CRACD: variants seen among roughly 807,000 people sequenced by gnomAD.
CRACD encodes capping protein inhibiting regulator of actin dynamics, also known as capping protein-inhibiting regulator of actin dynamics.
CRACD carries 56 observed loss-of-function variants against 106.8 expected under a neutral mutation model. The ratio of observed to expected loss-of-function variants is 0.52; its 90% CI spans 0.42 to 0.66. The LOEUF is 0.66. CRACD is among the 30% of genes least tolerant of loss of function. CRACD has a pLI of 0.00. For synonymous variants in CRACD, 754 were observed against 670.8 expected (o/e 1.12, Z -1.92); for missense variants, 1,730 against 1,623.2 (o/e 1.07, Z -1.13).
chr4:56,220,272 T>C (rs572053287), intron 2 of CRACD, among the ~76,000 whole-genome samples: 14 of 152,348 alleles, frequency 9.2e-5, no homozygotes, highest in African/African-American at 3.4e-4. Flanking sequence ...TCCTTTGTTT[T>C]CTGGGAGATT....
intron 10 of CRACD, among the ~76,000 whole-genome samples, chr4:56,326,975 A>G (rs1746489451): frequency 6.6e-6 from 1 of 152,016 alleles, no homozygotes; most frequent in African/African-American, 2.4e-5. Context: ...CCTGACCTCA[A>G]GTGATCCTCC....
At chr4:56,095,892 A>G (rs11936224) in intron 1 of CRACD, among the ~76,000 whole-genome samples, 2 of 152,132 alleles carry the variant, frequency 1.3e-5, no homozygotes, top group African/African-American at 4.8e-5. Context: ...GAGTAGTGAG[A>G]TATGGTTTTT....
intron 1 of CRACD, among the ~76,000 whole-genome samples, chr4:56,177,070 C>A (rs1736614373): frequency 6.6e-6 from 1 of 152,098 alleles, no homozygotes; most frequent in Non-Finnish European, 1.5e-5. Flanking sequence ...TGTCTAATTG[C>A]TCTATCTAGG....
At chr4:56,132,109 A>G (rs919023174) in intron 1 of CRACD, among the ~76,000 whole-genome samples, 4 of 152,160 alleles carry the variant, frequency 2.6e-5, no homozygotes, top group African/African-American at 9.7e-5. Flanking sequence ...CAGTGGTGCA[A>G]CCACAGCTCC....
rs1197354649 is a variant in CRACD, at chr4:56,314,810, G to C, written c.1308G>C (p.Leu436=). The C allele has an allele frequency of 2.5e-5, 40 of 1,607,832 alleles. No homozygotes were observed. The highest frequency in any genetic ancestry group is 3.1e-5 in the Non-Finnish European group (37 of 1,178,118). Residue 436 remains leucine (L), a synonymous_variant, in exon 8 of 11, where the codon CTG becomes CTC. Transcript: ENST00000682029. The surrounding 1 kb of genome is among the most constrained non-coding windows in gnomAD (Gnocchi z 4.4). ...AGAGGCTCGAAGACCAGGAACGCCT[G>C]AAACCCGAAGGACAAAGAGAACACT... ...FEERLEDQER[L]KPEGQREHSE... is the part of the protein sequence containing the mutation.
At chr4:56,270,806 G>A (rs1189180192) in intron 2 of CRACD, among the ~76,000 whole-genome samples, 1 of 152,052 alleles carries the variant, frequency 6.6e-6, no homozygotes, top group East Asian at 1.9e-4. Context: ...TTTAGGCCAG[G>A]CCCAGTGGTT....
intron 1 of CRACD, among the ~76,000 whole-genome samples, chr4:56,156,738 A>C (rs972583466): frequency 6.6e-6 from 1 of 152,200 alleles, no homozygotes; most frequent in Non-Finnish European, 1.5e-5. Flanking sequence ...TCTGTTCTAC[A>C]CTTAATAGTC....
chr4:56,320,388 C>A (rs1419976310), intron 8 of CRACD, among the ~76,000 whole-genome samples: 2 of 152,074 alleles, frequency 1.3e-5, no homozygotes, highest in Non-Finnish European at 2.9e-5. Flanking sequence ...TATATTGGAG[C>A]AAAATACATT....
At position 56,187,465 on chromosome 4, in the gene CRACD, T is replaced by C. The variant is rs1737136654; in HGVS notation, c.-189+8035T>C. On this transcript the variant is annotated intron_variant, in intron 2 of 10. Coordinates refer to ENST00000682029, the MANE Select transcript of CRACD (RefSeq NM_001393381.1). ...GTCGTTTCTTTCATTTATGTAACTT[T>C]AGAAAAATGAATGCTTGATTTACCA... Among the ~76,000 whole-genome samples, 6 of 152,226 alleles carry C rather than the reference T, an allele frequency of 3.9e-5. No homozygotes were observed. In the South Asian group the frequency reaches 1.2e-3, roughly 32 times the overall value.
At chr4:56,165,256 C>T (rs562519498) in intron 1 of CRACD, among the ~76,000 whole-genome samples, 23 of 152,278 alleles carry the variant, frequency 1.5e-4, no homozygotes, top group African/African-American at 5.1e-4. Flanking sequence ...AAAGAACATC[C>T]ACTGAGAGTC....
chr4:56,237,006 CA>C (rs1220001261), intron 2 of CRACD, among the ~76,000 whole-genome samples: 1 of 152,132 alleles, frequency 6.6e-6, no homozygotes, highest in African/African-American at 2.4e-5. Context: ...ATTAACATTT[CA>C]ATTCACACCG....
intron 5 of CRACD, 86 bp downstream of exon 5, chr4:56,307,785 G>T (rs1192563847): frequency 1.5e-6 from 2 of 1,349,384 alleles, no homozygotes; most frequent in African/African-American, 1.4e-5. Flanking sequence ...CTGCAGCAGG[G>T]GAATTAGAGG....
chr4:56,104,952 G>A (rs1346810962), intron 1 of CRACD, among the ~76,000 whole-genome samples: 1 of 138,686 alleles, frequency 7.2e-6, no homozygotes, highest in Non-Finnish European at 1.5e-5. Context: ...GGGCGACAGA[G>A]CAAGACTCCG....
At chr4:56,209,881 A>C (rs989417944) in intron 2 of CRACD, among the ~76,000 whole-genome samples, 7 of 152,162 alleles carry the variant, frequency 4.6e-5, no homozygotes, top group Non-Finnish European at 8.8e-5. Context: ...CGCAGCATCC[A>C]AGGTGGCTAT....
intron 3 of CRACD, among the ~76,000 whole-genome samples, chr4:56,288,776 T>A (rs143826199): frequency 6.6e-6 from 1 of 152,324 alleles, no homozygotes; most frequent in African/African-American, 2.4e-5. Context: ...CACATAGATA[T>A]GAGTCATAAG....
At chr4:56,227,365 G>A (rs1178733405) in intron 2 of CRACD, among the ~76,000 whole-genome samples, 1 of 133,110 alleles carries the variant, frequency 7.5e-6, no homozygotes, top group East Asian at 2.1e-4. Flanking sequence ...ACACAAAGGT[G>A]GGTAAAAAGA....
intron 2 of CRACD, among the ~76,000 whole-genome samples, chr4:56,188,622 C>CTCTCT (rs1553908618): frequency 8.2e-6 from 1 of 121,546 alleles, no homozygotes; most frequent in Non-Finnish European, 1.6e-5. Flanking sequence ...ATCTGTCTAG[C>CTCTCT]CTCTCTCTCT....
chr4:56,297,620 T>C (rs1744126460), intron 3 of CRACD, among the ~76,000 whole-genome samples: 1 of 152,158 alleles, frequency 6.6e-6, no homozygotes. Context: ...TAAAAAGTTT[T>C]TGTTGGATAC....
In CRACD at chr4:56,327,753, G is replaced by A. The variant is rs1438751316; in HGVS notation, c.3651G>A (p.Leu1217=). ...CAACAGAACCAGCCTGGCTGGCTTT[G>A]GCCAAAAGGAAAGCAAAGGCTTGGA... ...PVSTEPAWLA[L]AKRKAKAWSD... is the part of the protein sequence containing the mutation. The change falls in exon 11 of 11, where the codon TTG becomes TTA. Residue 1217 remains leucine (L), a synonymous_variant. Coordinates refer to ENST00000682029, the MANE Select transcript of CRACD (RefSeq NM_001393381.1). 13 of 1,614,144 alleles carry A rather than the reference G, an allele frequency of 8.1e-6. No homozygotes were observed. Among genetic ancestry groups the A allele is most frequent in the Non-Finnish European group, 1.1e-5 (13 of 1,180,018 alleles).
Sources: gnomAD v4.1 joint callset for allele counts (sites outside exome capture counted in the v4.1 genomes callset) on GRCh38, gnomAD v4.1.1 for gene constraint, Gnocchi (gnomAD v3.1) non-coding constraint, MANE v1.5 for transcripts, NCBI Gene and HGNC (gene_info 2026-07-23, HGNC 2026-07-21) for gene names.